CYP3A4: variants seen among roughly 807,000 people sequenced by gnomAD.
CYP3A4 encodes cytochrome P450 3A4.
A neutral mutation model predicts 54.9 loss-of-function variants in CYP3A4; 41 were observed. The ratio of observed to expected loss-of-function variants is 0.75; its 90% confidence interval spans 0.58 to 0.97. The LOEUF (loss-of-function observed/expected upper bound fraction) is 0.97, where lower values mean the gene tolerates loss of function less well. Ranked by LOEUF, CYP3A4 falls within the 50% of genes least tolerant of loss-of-function variation. CYP3A4 has a pLI of 0.00. For missense variants in CYP3A4, 510 were observed against 597.3 expected (o/e 0.85, Z 1.52); for synonymous variants, 179 against 205.2 (o/e 0.87, Z 1.09).
rs775220785 is a variant in CYP3A4 at position 99,772,615 on chromosome 7, C to T, written c.293G>A (p.Cys98Tyr). The part of the protein sequence containing the change: ...DMIKTVLVKE[C>Y]YSVFTNRRPF... ...CCTCCGGTTTGTGAAGACAGAATAA[C>T]ATTCTTTCACTAGCACTGTTTTGAT... Residue 98 changes from cysteine to tyrosine, a missense_variant, in exon 4 of 13, where the codon TGT becomes TAT. Coordinates refer to ENST00000651514, the MANE Select transcript of CYP3A4 (RefSeq NM_017460.6). 6 of 1,613,158 alleles carry T rather than the reference C, an allele frequency of 3.7e-6. No homozygotes were observed. Among genetic ancestry groups the T allele is most frequent in the Non-Finnish European group, 5.1e-6 (6 of 1,179,448 alleles).
Position 99,757,888 on chromosome 7 carries a change from G to A in CYP3A4, c.*245C>T. On this transcript the variant is annotated 3_prime_UTR_variant, in exon 13 of 13. Transcript: ENST00000651514. ...CTGGGGGTGGTGGAAATAGTCCCGT[G>A]AGAAGCAGAGGAGCCAAATCTACCT... The A allele has an allele frequency of 4.6e-6, 2 of 435,932 alleles. No homozygotes were observed. Among genetic ancestry groups the A allele is most frequent in the Non-Finnish European group, 8.4e-6 (2 of 238,420 alleles). The allele number at this position is 435,932 out of a possible 1,614,324, so 27.0% of individuals were successfully genotyped here.
In CYP3A4 at chr7:99,784,091, CCTTA is replaced by C; in HGVS notation, c.-14_-11del. 1 of 1,612,130 alleles carries C rather than the reference CCTTA, an allele frequency of 6.2e-7. No homozygotes were observed. The highest frequency in any genetic ancestry group is 8.5e-7 in the Non-Finnish European group (1 of 1,178,256). On this transcript the variant is annotated 5_prime_UTR_variant, in exon 1 of 13. Coordinates refer to ENST00000651514, the MANE Select transcript of CYP3A4 (RefSeq NM_017460.6). ...CTGGGATGAGAGCCATCACTACTTT[CCTTA>C]CTTATCTCTCTCCTCTGAGTCTTCC...
chr7:99,780,256 T>A, intron 1 of CYP3A4, 171 bp from the exon 2 acceptor site: 1 of 653,406 alleles, frequency 1.5e-6, no homozygotes. Context: ...TCAGGTCCTT[T>A]CCTGCCTCCA....
At chr7:99,763,124 T>C (rs1038953961) in intron 10 of CYP3A4, among the ~76,000 whole-genome samples, 13 of 152,174 alleles carry the variant, frequency 8.5e-5, no homozygotes, top group African/African-American at 3.1e-4. Context: ...TGGGGAGAGC[T>C]GAGTCAGCCT....
intron 10 of CYP3A4, among the ~76,000 whole-genome samples, chr7:99,763,405 A>G (rs141585467): frequency 2.0e-3 from 306 of 152,342 alleles, no homozygotes; most frequent in African/African-American, 7.1e-3. Context: ...CAAAAAAAAA[A>G]GTCACATGTC....
In CYP3A4 at chr7:99,783,990, G is replaced by A. The variant is rs777211814; in HGVS notation, c.71+21C>T. On this transcript the variant is annotated intron_variant, in intron 1 of 12. Transcript: ENST00000651514. ...CCCAAGTCCAAGGAAACAGAGAAGA[G>A]GAGCCTGGACAGTTACTCACAGATA... 178 of 1,612,208 alleles carry A rather than the reference G, an allele frequency of 1.1e-4. 1 individual carries two copies. The Admixed American group carries it at 2.9e-3, about 26-fold the overall frequency.
intron 2 of CYP3A4, among the ~76,000 whole-genome samples, chr7:99,779,123 G>A (rs1183574363): frequency 1.3e-5 from 2 of 152,026 alleles, no homozygotes; most frequent in Non-Finnish European, 2.9e-5. Context: ...CAAAGTTCAC[G>A]GTCCACGTGG....
chr7:99,782,557 T>G (rs1189071991), intron 1 of CYP3A4, among the ~76,000 whole-genome samples: 5 of 152,082 alleles, frequency 3.3e-5, no homozygotes, highest in Non-Finnish European at 7.4e-5. Context: ...GTGACACAGA[T>G]GGTGCCTCTG....
Position 99,757,134 on chromosome 7 carries a change from T to G in CYP3A4, c.*999A>C, listed in dbSNP as rs1169851662. ...CATTAAATCAAAACTAATAATATAA[T>G]AAGAGCTTCAGTTCTTTGTTACAAA... On this transcript the variant is annotated 3_prime_UTR_variant, in exon 13 of 13. Coordinates refer to ENST00000651514, the MANE Select transcript of CYP3A4 (RefSeq NM_017460.6). 2 of 152,162 alleles carry G rather than the reference T, an allele frequency of 1.3e-5. No homozygotes were observed. Among genetic ancestry groups the G allele is most frequent in the African/African-American group, 2.4e-5 (1 of 41,446 alleles). 9.4% of individuals were successfully genotyped at this position (152,162 alleles called of 1,614,324 possible).
chr7:99,782,851 A>G (rs527555461), intron 1 of CYP3A4, among the ~76,000 whole-genome samples: 1 of 152,276 alleles, frequency 6.6e-6, no homozygotes, highest in South Asian at 2.1e-4. Context: ...AGATATATGC[A>G]ATCTTGTCAT....
In CYP3A4 at chr7:99,762,063, G is replaced by C. The variant is rs1217252102; in HGVS notation, c.1231C>G (p.Pro411Ala). 6.2e-7 allele frequency: 1 copy of C among 1,614,028 alleles called. No homozygotes were observed. The highest frequency in any genetic ancestry group is 1.1e-5 in the South Asian group (1 of 91,066). ...TACCTTTCAGGGAGGAACTTCTCAG[G>C]CTCTGTCCAGTACTTTGGGTCACGG... Reference protein sequence around the residue: ...LHRDPKYWTEPEKFLPERFSK... With the variant: ...LHRDPKYWTEAEKFLPERFSK... Residue 411 changes from proline (P) to alanine (A), a missense_variant, in exon 11 of 13, where the codon CCT becomes GCT. Transcript: ENST00000651514.
At chr7:99,769,937 G>A in intron 5 of CYP3A4, 81 bp from the exon 6 acceptor site, 2 of 1,600,176 alleles carry the variant, frequency 1.2e-6, no homozygotes, top group Admixed American at 1.7e-5. Flanking sequence ...CCAGCATGGA[G>A]CAGTAAGTGA....
At chr7:99,769,727 T>C (rs755337198) in intron 6 of CYP3A4, 41 bp downstream of exon 6, 15 of 1,612,328 alleles carry the variant, frequency 9.3e-6, no homozygotes, top group East Asian at 2.2e-5. Flanking sequence ...GCTGGAGGGG[T>C]TCATGACAGC....
chr7:99,770,139 T>G lies in CYP3A4; in HGVS notation c.415A>C (p.Ser139Arg). The G allele has an allele frequency of 1.2e-6, 2 of 1,612,984 alleles. No homozygotes were observed. The highest frequency in any genetic ancestry group is 1.7e-6 in the Non-Finnish European group (2 of 1,179,038). The change falls in exon 5 of 13, where the codon AGT (serine) becomes CGT (arginine). Residue 139 changes from serine (S) to arginine (R), a missense_variant. Physicochemically the swap from Ser to Arg is moderately radical, Grantham distance 110. Around this residue, in one of 2 missense-constraint regions of CYP3A4, gnomAD observed 272 missense variants for 274.9 expected, o/e 0.99. Coordinates refer to ENST00000651514, the MANE Select transcript of CYP3A4 (RefSeq NM_017460.6). ...LRSLLSPTFTSGKLKEMVPII... is the reference protein window; with the variant it reads ...LRSLLSPTFTRGKLKEMVPII... ...TTTCATACCTCCTTGAGTTTTCCAC[T>G]GGTGAAGGTTGGAGACAGCAATGAT...
At chr7:99,775,371 C>T (rs560057350) in intron 3 of CYP3A4, among the ~76,000 whole-genome samples, 1 of 152,190 alleles carries the variant, frequency 6.6e-6, no homozygotes, top group South Asian at 2.1e-4. Context: ...CAAAAAAGAG[C>T]CCACATAGAC....
chr7:99,766,454 A>G lies in CYP3A4; in HGVS notation c.799-11T>C. 6.2e-7 allele frequency: 1 copy of G among 1,613,530 alleles called. No homozygotes were observed. The highest frequency in any genetic ancestry group is 8.5e-7 in the Non-Finnish European group (1 of 1,179,604). The stretch of plus-strand genomic sequence containing the variant: ...GAAATCCACTCGGTGCTAGAAGCAA[A>G]AAGAGAAATTTCACTGACAGAAAGT... On this transcript the variant is annotated splice_polypyrimidine_tract_variant and intron_variant, in intron 8 of 12. Transcript: ENST00000651514.
In CYP3A4 at chr7:99,762,102, T is replaced by C; in HGVS notation, c.1192A>G (p.Ser398Gly). ...IPKGVVVMIP[S>G]YALHRDPKYW... ...TTTGGGTCACGGTGAAGAGCATAGC[T>C]TGGAATCATCACCACCACCCCTTTG... The change falls in exon 11 of 13, where the codon AGC becomes GGC. Residue 398 changes from serine (S) to glycine (G), a missense_variant. This residue lies in a region of CYP3A4 where 238 missense variants were observed against 322.5 expected (regional missense o/e 0.74). Transcript: ENST00000651514. 1 of 1,614,002 alleles carries C rather than the reference T, an allele frequency of 6.2e-7. No homozygotes were observed.
At chr7:99,777,918 T>C (rs2151565473) in intron 3 of CYP3A4, 110 bp downstream of exon 3, 1 of 842,304 alleles carries the variant, frequency 1.2e-6, no homozygotes. Flanking sequence ...TGTAGTTAGG[T>C]TGACAAGAGC....
intron 6 of CYP3A4, among the ~76,000 whole-genome samples, chr7:99,769,223 T>C (rs13312494): frequency 6.6e-6 from 1 of 152,202 alleles, no homozygotes; most frequent in Non-Finnish European, 1.5e-5. Context: ...TAAGTGTAGA[T>C]AGCAAATAAT....
Sources: allele counts gnomAD v4.1 joint callset (sites outside exome capture counted in the v4.1 genomes callset), GRCh38; gene constraint gnomAD v4.1.1; regional missense constraint gnomAD v4.1.1; transcripts MANE v1.5; gene names NCBI Gene and HGNC (gene_info 2026-07-23, HGNC 2026-07-21).